TTN: variants seen among roughly 807,000 people sequenced by gnomAD.
TTN encodes the protein connectin.
A neutral mutation model predicts 3,223.0 loss-of-function variants in TTN; 1,525 were observed. The ratio of observed to expected loss-of-function variants is 0.47; its 90% CI spans 0.45 to 0.49. The LOEUF (loss-of-function observed/expected upper bound fraction) is 0.49. TTN is among the 20% of genes least tolerant of loss of function. The probability of loss-of-function intolerance (pLI) is 0.00; values close to 1 mark genes in which losing one functional copy is unlikely to be tolerated. For missense variants in TTN, 40,786 were observed against 43,424.0 expected, an observed-to-expected ratio of 0.94 and a Z score of 5.40; for synonymous variants, 14,094 against 15,161.0, an observed-to-expected ratio of 0.93 and a Z score of 5.17.
chr2:178,730,861 TA>T lies in TTN; in HGVS notation c.17740+63del, dbSNP rs376726021. 30,572 of 1,525,568 alleles carry T rather than the reference TA, an allele frequency of 0.02. 155 individuals are homozygous for T. The highest frequency in any genetic ancestry group is 0.034 in the Admixed American group (1,542 of 44,964). The allele number at this position is 1,525,568 out of a possible 1,614,324, so 94.5% of individuals were successfully genotyped here. On this transcript the variant is annotated intron_variant, in intron 60 of 362. Transcript: ENST00000589042. ...ACTAATTTGTTTTTGTTTTTTTTTT[TA>T]AATTTTAAGGGAAGAAGGAGCATGG...
At chr2:178,604,574 C>G (rs1343564479) in intron 281 of TTN, 134 bp downstream of exon 281, 2 of 1,035,508 alleles carry the variant, frequency 1.9e-6, no homozygotes, top group African/African-American at 3.2e-5. Context: ...GGGCTAAACA[C>G]TACAATAACA....
At position 178,527,310 on chromosome 2, in the gene TTN, T is replaced by G; in HGVS notation, c.107681-3A>C. On this transcript the variant is annotated splice_region_variant and splice_polypyrimidine_tract_variant and intron_variant, in intron 362 of 362. Coordinates refer to ENST00000589042, the MANE Select transcript of TTN (RefSeq NM_001267550.2). Reference sequence around the variant, plus strand: ...AGCTTCAATTTTAGGCGGAATTCCTTTATGGAACAATGACAAAAAAAAGGT... The same window carrying G: ...AGCTTCAATTTTAGGCGGAATTCCTGTATGGAACAATGACAAAAAAAAGGT... 3 of 1,586,912 alleles carry G rather than the reference T, an allele frequency of 1.9e-6. No individual in the cohort carries two copies. Among genetic ancestry groups the G allele is most frequent in the Non-Finnish European group, 2.6e-6 (3 of 1,166,826 alleles).
rs774615523 is a variant in TTN, at chr2:178,749,496, C to A, written c.11311+3628G>T. 5.6e-6 allele frequency: 9 copies of A among 1,612,744 alleles called. No homozygotes were observed. The South Asian group carries it at 8.8e-5, about 16-fold the overall frequency. ...TGAAAATAGTCCCTTACTGAATATT[C>A]TTTTACATTTGTCCAGGGAGTAAAG... On this transcript the variant is annotated intron_variant, in intron 47 of 362. Coordinates refer to ENST00000589042, the MANE Select transcript of TTN (RefSeq NM_001267550.2).
intron 224 of TTN, among the ~76,000 whole-genome samples, chr2:178,637,052 A>G (rs1012611241): frequency 1.3e-5 from 2 of 150,048 alleles, no homozygotes; most frequent in African/African-American, 4.9e-5. Context: ...TAGCCAGATT[A>G]ATGTCTAATT....
In TTN at chr2:178,664,636, G is replaced by A. The variant is rs761922790; in HGVS notation, c.36202+18C>T. 4 of 1,611,136 alleles carry A rather than the reference G, an allele frequency of 2.5e-6. No homozygotes were observed. The highest frequency in any genetic ancestry group is 3.4e-6 in the Non-Finnish European group (4 of 1,178,848). Reference sequence around the variant, plus strand: ...AAAAGACATGTTCCCACCCCTCTAAGCTTCCAGCAAGATATACCTTCATCA... The same window carrying A: ...AAAAGACATGTTCCCACCCCTCTAAACTTCCAGCAAGATATACCTTCATCA... On this transcript the variant is annotated intron_variant, in intron 167 of 362. Coordinates refer to ENST00000589042, the MANE Select transcript of TTN (RefSeq NM_001267550.2).
chr2:178,750,799 A>G lies in TTN; in HGVS notation c.11311+2325T>C, dbSNP rs762345534. ...TAATAGCTTGAGACACATTTTCAGGAGTCTCATATACTTCCTCCTTCTCAC... is the reference window on the plus strand; with the variant it reads ...TAATAGCTTGAGACACATTTTCAGGGGTCTCATATACTTCCTCCTTCTCAC... On this transcript the variant is annotated intron_variant, in intron 47 of 362. Transcript: ENST00000589042. 9 of 1,613,028 alleles carry G rather than the reference A, an allele frequency of 5.6e-6. No individual in the cohort carries two copies. Among genetic ancestry groups the G allele is most frequent in the Middle Eastern group, 1.6e-4 (1 of 6,070 alleles).
intron 1 of TTN, among the ~76,000 whole-genome samples, chr2:178,804,912 A>T (rs1345100606): frequency 6.6e-6 from 1 of 152,226 alleles, no homozygotes; most frequent in Non-Finnish European, 1.5e-5. Context: ...AGAACAAGGA[A>T]TGAACCCTAG....
Position 178,640,490 on chromosome 2 carries a change from GATAC to G in TTN, c.40723+47_40723+50del, listed in dbSNP as rs1253193094. On this transcript the variant is annotated intron_variant, in intron 221 of 362. Coordinates refer to ENST00000589042, the MANE Select transcript of TTN (RefSeq NM_001267550.2). ...ATGTCAGTGTAATGATATTTTAAAT[GATAC>G]ATATTTGCATTTTTAGAGACAACTA... The G allele has an allele frequency of 8.9e-6, 13 of 1,457,720 alleles. No individual in the cohort carries two copies. The African/African-American group carries it at 1.8e-4, about 21-fold the overall frequency. 90.3% of individuals were successfully genotyped at this position (1,457,720 alleles called of 1,614,324 possible).
intron 111 of TTN, among the ~76,000 whole-genome samples, chr2:178,699,534 C>T (rs892857701): frequency 1.4e-5 from 2 of 143,394 alleles, no homozygotes; most frequent in African/African-American, 5.1e-5. Context: ...GCCTCAGCCT[C>T]CCGAGTAGCT....
Position 178,764,551 on chromosome 2 carries a change from T to C in TTN, c.9964A>G (p.Thr3322Ala), listed in dbSNP as rs750311932. 6.2e-7 allele frequency: 1 copy of C among 1,614,152 alleles called. No individual in the cohort carries two copies. Among genetic ancestry groups the C allele is most frequent in the Non-Finnish European group, 8.5e-7 (1 of 1,180,010 alleles). Reference sequence around the variant, plus strand: ...CCTTCCACTGAGAGTGAAGCTGATGTTGTGGCAACACCATAGTCATTCTTG... The same window carrying C: ...CCTTCCACTGAGAGTGAAGCTGATGCTGTGGCAACACCATAGTCATTCTTG... ...EAKNDYGVATTSASLSVEVPE... is the reference protein window; with the variant it reads ...EAKNDYGVATASASLSVEVPE... Residue 3322 changes from threonine to alanine, a missense_variant, in exon 42 of 363, where the codon ACA becomes GCA. Physicochemically the swap from Thr to Ala is moderately conservative, Grantham distance 58. Transcript: ENST00000589042.
chr2:178,671,825 T>TA (rs1276939888), intron 155 of TTN, 146 bp downstream of exon 155: 1 of 770,260 alleles, frequency 1.3e-6, no homozygotes, highest in East Asian at 2.7e-5. Context: ...GGTTAAGAGA[T>TA]ATTAATCTTT....
Position 178,540,336 on chromosome 2 carries a change from A to G in TTN, c.97830T>C (p.Thr32610=). 1.1e-5 allele frequency: 18 copies of G among 1,613,578 alleles called. No individual in the cohort carries two copies. Among genetic ancestry groups the G allele is most frequent in the Non-Finnish European group, 1.5e-5 (18 of 1,179,602 alleles). Residue 32610 remains threonine (T), a synonymous_variant, in exon 351 of 363, where the codon ACT becomes ACC. Coordinates refer to ENST00000589042, the MANE Select transcript of TTN (RefSeq NM_001267550.2). The part of the protein sequence containing the change: ...PPGKPQNPRV[T]DTTRTSVSLA... ...GGGAGACTGATGTCCTTGTTGTATC[A>G]GTAACTCTTGGGTTTTGTGGCTTTC...
chr2:178,776,811 C>T lies in TTN; in HGVS notation c.5053G>A (p.Gly1685Ser). The T allele has an allele frequency of 6.2e-7, 1 of 1,614,124 alleles. No homozygotes were observed. ...TCACCTTCTTCCCATTGCTCTTGGC[C>T]ATATCGCAAATGGAGGGGCTCCAGT... ...PELEPLHLRY[G>S]QEQWEEGDLY... Residue 1685 changes from glycine to serine, a missense_variant, in exon 28 of 363, where the codon GGC (glycine) becomes AGC (serine). By Grantham distance (56) the Gly-to-Ser change is moderately conservative. Coordinates refer to ENST00000589042, the MANE Select transcript of TTN (RefSeq NM_001267550.2).
intron 69 of TTN, 31 bp from the exon 70 acceptor site, chr2:178,726,077 G>A: frequency 1.3e-6 from 2 of 1,489,450 alleles, no homozygotes; most frequent in South Asian, 1.5e-5. Context: ...TCATGAATTG[G>A]GCTACTGAAT....
chr2:178,698,723 G>A, intron 112 of TTN, 120 bp downstream of exon 112: 1 of 899,442 alleles, frequency 1.1e-6, no homozygotes, highest in Non-Finnish European at 1.7e-6. Context: ...AGTGAGTGAA[G>A]GGAGAGGTAC....
At position 178,602,122 on chromosome 2, in the gene TTN, T is replaced by C; in HGVS notation, c.55149A>G (p.Gly18383=). ...CTTTACAAACCAGACAGTCCTGTGCTCCAATGTCAATGAAAACTTCTGGTT... is the reference window on the plus strand; with the variant it reads ...CTTTACAAACCAGACAGTCCTGTGCCCCAATGTCAATGAAAACTTCTGGTT... ...QEEPEVFIDI[G]AQDCLVCKAG... is the part of the protein sequence containing the mutation. The change falls in exon 284 of 363, where the codon GGA becomes GGG. Residue 18383 remains glycine (G), a synonymous_variant. Transcript: ENST00000589042. 2 of 1,607,054 alleles carry C rather than the reference T, an allele frequency of 1.2e-6. No homozygotes were observed. Among genetic ancestry groups the C allele is most frequent in the Non-Finnish European group, 1.7e-6 (2 of 1,176,802 alleles).
At position 178,561,312 on chromosome 2, in the gene TTN, AC is replaced by A. The variant is rs2154159514; in HGVS notation, c.84819del (p.Trp28273CysfsTer28). 1 of 1,613,780 alleles carries A rather than the reference AC, an allele frequency of 6.2e-7. No individual in the cohort carries two copies. The highest frequency in any genetic ancestry group is 8.5e-7 in the Non-Finnish European group (1 of 1,179,808). ...GCTCCACCATCATAATGTGGTTTAG[AC>A]CATTTAAGTGACACTGATTTTCTTG... is the stretch of plus-strand genomic sequence containing the variant. ...NITRKSVSLK[W>X]SKPHYDGGAK... On this transcript the variant is annotated frameshift_variant, in exon 326 of 363. Coordinates refer to ENST00000589042, the MANE Select transcript of TTN (RefSeq NM_001267550.2). LOFTEE classifies it high-confidence loss of function.
chr2:178,775,744 G>A lies in TTN; in HGVS notation c.6120C>T (p.His2040=). Residue 2040 remains histidine, a synonymous_variant, in exon 28 of 363, where the codon CAC becomes CAT. Coordinates refer to ENST00000589042, the MANE Select transcript of TTN (RefSeq NM_001267550.2). ...CCTCTTCAGTTAACTCTTTGGTCCA[G>A]TGGAGAAGTTCATCTTTTGTCTTCC... ...LLRKTKDELL[H]WTKELTEEEK... 2 of 1,613,940 alleles carry A rather than the reference G, an allele frequency of 1.2e-6. No homozygotes were observed. The highest frequency in any genetic ancestry group is 1.7e-6 in the Non-Finnish European group (2 of 1,179,976).
At position 178,642,232 on chromosome 2, in the gene TTN, T is replaced by A. The variant is rs146283562; in HGVS notation, c.40558+5A>T. On this transcript the variant is annotated splice_donor_5th_base_variant and intron_variant, in intron 219 of 362. Coordinates refer to ENST00000589042, the MANE Select transcript of TTN (RefSeq NM_001267550.2). ...CGCTGACAGAATGGTTGAAAAATACTATACCGCTTTTCAGAACAACTTCTT... is the reference window on the plus strand; with the variant it reads ...CGCTGACAGAATGGTTGAAAAATACAATACCGCTTTTCAGAACAACTTCTT... 2 of 1,577,070 alleles carry A rather than the reference T, an allele frequency of 1.3e-6. No individual in the cohort carries two copies. Among genetic ancestry groups the A allele is most frequent in the Non-Finnish European group, 1.7e-6 (2 of 1,159,668 alleles).
Sources: gnomAD v4.1 joint callset for allele counts (sites outside exome capture counted in the v4.1 genomes callset) on GRCh38, gnomAD v4.1.1 for gene constraint, MANE v1.5 for transcripts, NCBI Gene and HGNC (gene_info 2026-07-23, HGNC 2026-07-21) for gene names.